TAF1: variants seen among roughly 807,000 people sequenced by gnomAD.
TAF1 encodes TATA-box binding protein associated factor 1, also known as transcription initiation factor TFIID subunit 1.
In TAF1, 2 loss-of-function variants were observed where a neutral mutation model predicts 138.5. The observed-to-expected ratio is 0.01, with a 90% confidence interval of 0.01 to 0.05. The LOEUF (loss-of-function observed/expected upper bound fraction) is 0.05, where lower values mean the gene tolerates loss of function less well. TAF1 is among the 10% of genes least tolerant of loss of function. TAF1 has a pLI of 1.00. For missense variants in TAF1, 709 were observed against 1,478.0 expected, an observed-to-expected ratio of 0.48 and a Z score of 8.53; for synonymous variants, 437 against 503.2, an observed-to-expected ratio of 0.87 and a Z score of 1.76.
rs750485853 is a variant in TAF1 at position 71,458,254 on chromosome X, A to G, written c.4952A>G (p.Tyr1651Cys). The G allele has an allele frequency of 8.3e-7, 1 of 1,211,396 alleles. No homozygotes were observed. The highest frequency in any genetic ancestry group is 1.1e-6 in the Non-Finnish European group (1 of 895,308). The change falls in exon 35 of 38, where the codon TAT becomes TGT. Residue 1651 changes from tyrosine (Y) to cysteine (C), a missense_variant. Physicochemically the swap from Tyr to Cys is radical, Grantham distance 194. Transcript: ENST00000423759. Reference sequence around the variant, plus strand: ...TTTGTGCCACAGCCTCCTGATTTGTATGATACCAACACATCCCTCAGTATG... The same window carrying G: ...TTTGTGCCACAGCCTCCTGATTTGTGTGATACCAACACATCCCTCAGTATG... ...GPYTPQPPDL[Y>C]DTNTSLSMSR...
intron 30 of TAF1, among the ~76,000 whole-genome samples, chrX:71,423,759 T>C (rs753968637): frequency 8.9e-6 from 1 of 112,287 alleles, no homozygotes; most frequent in South Asian, 3.7e-4. Context: ...TAATTATGAC[T>C]ATACAGCAAG....
At chrX:71,471,827 AGTG>A (rs766964611) in intron 13 of TAF1, among the ~76,000 whole-genome samples, 1 of 111,610 alleles carries the variant, frequency 9.0e-6, no homozygotes, top group East Asian at 2.8e-4. Flanking sequence ...ATGTAAATGA[AGTG>A]GTGGCCCACA....
At chrX:71,402,862 T>C (rs752787764) in intron 25 of TAF1, among the ~76,000 whole-genome samples, 31 of 111,174 alleles carry the variant, frequency 2.8e-4, no homozygotes, top group Non-Finnish European at 5.5e-4. Flanking sequence ...AACATTAATG[T>C]AATAATATAT....
chrX:71,435,149 A>C (rs1443291915), intron 32 of TAF1, among the ~76,000 whole-genome samples: 1 of 112,333 alleles, frequency 8.9e-6, no homozygotes, highest in Non-Finnish European at 1.9e-5. Flanking sequence ...TTTGGGATGG[A>C]CATAGGTAGA....
chrX:71,523,277 C>T (rs2039938643), intron 13 of TAF1, among the ~76,000 whole-genome samples: 1 of 109,730 alleles, frequency 9.1e-6, no homozygotes, highest in East Asian at 2.8e-4. Flanking sequence ...TGTATTTAGA[C>T]CAAACTACAG....
chrX:71,417,971 T>C (rs1305055047), intron 28 of TAF1, among the ~76,000 whole-genome samples: 3 of 112,539 alleles, frequency 2.7e-5, no homozygotes, highest in Non-Finnish European at 3.8e-5. Flanking sequence ...TAGCATATGG[T>C]CAATCTAGTA....
intron 13 of TAF1, among the ~76,000 whole-genome samples, chrX:71,483,568 C>T (rs1715268558): frequency 1.9e-5 from 2 of 107,272 alleles, no homozygotes; most frequent in South Asian, 4.1e-4. Flanking sequence ...GCCTGGGTAA[C>T]AGAGTGAGAC....
chrX:71,375,320 C>A, intron 4 of TAF1, 34 bp downstream of exon 4: 4 of 1,198,796 alleles, frequency 3.3e-6, no homozygotes, highest in Non-Finnish European at 4.5e-6. Context: ...GTCTGAGGAG[C>A]AAGTTTTCAT....
chrX:71,417,202 A>G (rs1041282776), intron 28 of TAF1, among the ~76,000 whole-genome samples: 1 of 109,338 alleles, frequency 9.1e-6, no homozygotes, highest in Non-Finnish European at 1.9e-5. Flanking sequence ...CTTCATAAGA[A>G]GAGGAAAAGG....
At chrX:71,407,214 ATTTTTTTTTT>A (rs1192482805) in intron 26 of TAF1, among the ~76,000 whole-genome samples, 1 of 80,946 alleles carries the variant, frequency 1.2e-5, no homozygotes, top group Non-Finnish European at 2.4e-5. Context: ...TGCTCGGCAG[ATTTTTTTTTT>A]TTTTTTTTTT....
intron 32 of TAF1, among the ~76,000 whole-genome samples, chrX:71,442,259 T>C (rs1459145732): frequency 8.9e-6 from 1 of 112,552 alleles, no homozygotes; most frequent in Non-Finnish European, 1.9e-5. Flanking sequence ...CCACAATGAT[T>C]GAACTGGTTT....
At chrX:71,419,483 C>T (rs1391980143) in intron 28 of TAF1, among the ~76,000 whole-genome samples, 3 of 111,038 alleles carry the variant, frequency 2.7e-5, no homozygotes, top group African/African-American at 9.8e-5. Context: ...AGGGGCGGAA[C>T]GGAGATCTTC....
intron 37 of TAF1, 42 bp from the exon 38 acceptor site, chrX:71,463,782 G>A (rs368561872): frequency 8.6e-7 from 1 of 1,168,395 alleles, no homozygotes; most frequent in Non-Finnish European, 1.2e-6. Flanking sequence ...TCAGGTAGAG[G>A]ATGGTGTCCG....
intron 25 of TAF1, 97 bp downstream of exon 25, chrX:71,401,836 T>C (rs980029745): frequency 1.2e-5 from 10 of 839,429 alleles, no homozygotes; most frequent in Middle Eastern, 2.8e-4. Flanking sequence ...TTCTCTGAAG[T>C]GGAACTGAAG....
rs1384249001 is a variant in TAF1 at position 71,459,570 on chromosome X, G to A, written c.5083G>A (p.Gly1695Ser). The A allele has an allele frequency of 8.3e-7, 1 of 1,208,572 alleles. No individual in the cohort carries two copies. The highest frequency in any genetic ancestry group is 1.1e-6 in the Non-Finnish European group (1 of 894,825). The change falls in exon 36 of 38, where the codon GGT (glycine) becomes AGT (serine). Residue 1695 changes from glycine to serine, a missense_variant. Physicochemically the swap from Gly to Ser is moderately conservative, Grantham distance 56. Coordinates refer to ENST00000423759, the MANE Select transcript of TAF1 (RefSeq NM_004606.5). ...QVTQEGEDGD[G>S]DLADEEEGTV... ...CATTCAGGAAGGTGAAGATGGAGAT[G>A]GTGATCTTGCAGATGAAGAGGAAGG...
chrX:71,402,316 AG>A (rs1293596705), intron 25 of TAF1, among the ~76,000 whole-genome samples: 1 of 111,881 alleles, frequency 8.9e-6, no homozygotes, highest in African/African-American at 3.3e-5. Context: ...TATGTTGGCC[AG>A]GCTGGACTCA....
At chrX:71,473,519 A>C (rs2038926814) in intron 13 of TAF1, among the ~76,000 whole-genome samples, 1 of 109,857 alleles carries the variant, frequency 9.1e-6, no homozygotes, top group African/African-American at 3.3e-5. Context: ...TTTTTTTTTA[A>C]ATTTTTTAAT....
At chrX:71,397,126 T>G in intron 22 of TAF1, 127 bp from the exon 23 acceptor site, 2 of 722,786 alleles carry the variant, frequency 2.8e-6, no homozygotes, top group Non-Finnish European at 4.2e-6. Context: ...TGATGATGAC[T>G]TTGATGCTTT....
chrX:71,468,340 A>C (rs773916297), downstream of TAF1, among the ~76,000 whole-genome samples: 3 of 110,970 alleles, frequency 2.7e-5, no homozygotes, highest in East Asian at 5.6e-4. Flanking sequence ...AGAGATGAAC[A>C]TGAAGATCCA....
Sources: allele counts gnomAD v4.1 joint callset (sites outside exome capture counted in the v4.1 genomes callset), GRCh38; gene constraint gnomAD v4.1.1; transcripts MANE v1.5; gene names NCBI Gene and HGNC (gene_info 2026-07-23, HGNC 2026-07-21).